Variants in TBL1X observed in about 807,000 individuals in gnomAD.
TBL1X encodes F-box-like/WD repeat-containing protein TBL1X.
A neutral mutation model predicts 50.7 loss-of-function variants in TBL1X; 10 were observed. The ratio of observed to expected loss-of-function variants is 0.20; its 90% CI spans 0.12 to 0.33. TBL1X has a LOEUF of 0.33. Ranked by LOEUF, TBL1X falls within the 10% of genes least tolerant of loss-of-function variation. The pLI is 1.00. For synonymous variants in TBL1X, 190 were observed against 214.7 expected (o/e 0.88, Z 1.01); for missense variants, 340 against 504.4 (o/e 0.67, Z 3.12).
intron 2 of TBL1X, among the ~76,000 whole-genome samples, chrX:9,597,871 C>T (rs773486286): frequency 2.7e-5 from 3 of 111,744 alleles, no homozygotes; most frequent in East Asian, 2.8e-4. Context: ...GTCAGTGTCC[C>T]GGCTCCAGTG....
At chrX:9,617,549 A>G (rs192391879) in intron 2 of TBL1X, among the ~76,000 whole-genome samples, 4 of 112,369 alleles carry the variant, frequency 3.6e-5, no homozygotes, top group African/African-American at 1.3e-4. Context: ...TTCTAGTTCA[A>G]TTTAGGAGAG....
chrX:9,565,250 T>A (rs1372362916), intron 2 of TBL1X, among the ~76,000 whole-genome samples: 3 of 73,466 alleles, frequency 4.1e-5, no homozygotes, highest in African/African-American at 1.7e-4. Context: ...CCAGCCTGGG[T>A]GGCAGAGCGA....
At chrX:9,705,903 A>AT (rs1335905847) in intron 13 of TBL1X, among the ~76,000 whole-genome samples, 4 of 110,986 alleles carry the variant, frequency 3.6e-5, no homozygotes, top group Non-Finnish European at 7.5e-5. Context: ...TCCTTAGGCT[A>AT]TACAGGAAGC....
chrX:9,523,061 C>A (rs188880073), intron 2 of TBL1X, among the ~76,000 whole-genome samples: 36 of 112,098 alleles, frequency 3.2e-4, no homozygotes, highest in African/African-American at 9.7e-4. Flanking sequence ...ATTCTCTACA[C>A]AGACTCTCCA....
At chrX:9,630,570 AATTGTTTTTATTGT>A (rs1196256621) in intron 2 of TBL1X, among the ~76,000 whole-genome samples, 2 of 112,328 alleles carry the variant, frequency 1.8e-5, no homozygotes, top group Non-Finnish European at 3.8e-5. Flanking sequence ...TTGTTTTTAA[AATTGTTTTTATTGT>A]ATTGTTTTTA....
At chrX:9,546,460 G>A (rs1351474412) in intron 2 of TBL1X, among the ~76,000 whole-genome samples, 3 of 111,386 alleles carry the variant, frequency 2.7e-5, no homozygotes, top group Non-Finnish European at 5.7e-5. Context: ...CTTGCAGGGA[G>A]TCGAGATTGC....
At chrX:9,639,348 C>T (rs1471292226) in intron 2 of TBL1X, among the ~76,000 whole-genome samples, 1 of 111,234 alleles carries the variant, frequency 9.0e-6, no homozygotes, top group Admixed American at 9.6e-5. Context: ...TCACTGAAGA[C>T]TATTAAATAA....
At chrX:9,560,891 T>C (rs1348014304) in intron 2 of TBL1X, among the ~76,000 whole-genome samples, 1 of 111,523 alleles carries the variant, frequency 9.0e-6, no homozygotes, top group African/African-American at 3.3e-5. Flanking sequence ...CCACCCAAAG[T>C]GAAATACGCA....
intron 2 of TBL1X, among the ~76,000 whole-genome samples, chrX:9,508,826 C>G (rs2082039079): frequency 9.0e-6 from 1 of 111,043 alleles, no homozygotes; most frequent in African/African-American, 3.3e-5. Context: ...CCTCAGCAAA[C>G]TAGCACAGAA....
rs375548818 is a variant in TBL1X at position 9,534,487 on chromosome X, T to A, written c.-131+32638T>A. On this transcript the variant is annotated intron_variant, in intron 2 of 17. Coordinates refer to ENST00000645353, the MANE Select transcript of TBL1X (RefSeq NM_005647.4). ...TTCTTAGCTATTGTGGACTTTTTTT[T>A]AAAAAAAGGTTTATAGAGATATGAT... Among the ~76,000 whole-genome samples the A allele has an allele frequency of 5.7e-3, 551 of 97,272 alleles. 4 individuals carry two copies. The highest frequency in any genetic ancestry group is 8.7e-3 in the Non-Finnish European group (423 of 48,396). 84.5% of individuals were successfully genotyped at this position (97,272 alleles called of 115,157 possible). A position where few individuals can be genotyped will look rare whatever the true frequency, so the allele number is the denominator to read the frequency against.
chrX:9,674,986 TGTTA>T (rs1048421266), intron 5 of TBL1X, among the ~76,000 whole-genome samples: 7 of 112,057 alleles, frequency 6.2e-5, no homozygotes, highest in African/African-American at 2.3e-4. Context: ...TACCAATACC[TGTTA>T]GTTTACGAGT....
rs1307007261 is a variant in TBL1X at position 9,688,138 on chromosome X, G to C, written c.479G>C (p.Ser160Thr). The C allele has an allele frequency of 1.7e-6, 2 of 1,204,452 alleles. No homozygotes were observed. Among genetic ancestry groups the C allele is most frequent in the South Asian group, 3.6e-5 (2 of 56,129 alleles). ...GAGAAGCTCGCTCAGCAGCAAGCCAGTGCGGCGGCGGCGGCGGCTGCGGCC... is the reference window on the plus strand; with the variant it reads ...GAGAAGCTCGCTCAGCAGCAAGCCACTGCGGCGGCGGCGGCGGCTGCGGCC... ...FREKLAQQQA[S>T]AAAAAAAATA... The change falls in exon 7 of 18, where the codon AGT (serine) becomes ACT (threonine). Residue 160 changes from serine to threonine, a missense_variant. Ser to Thr is a moderately conservative substitution (Grantham distance 58, BLOSUM62 1). This residue lies in a region of TBL1X where 99 missense variants were observed against 93.3 expected (regional missense o/e 1.06). Transcript: ENST00000645353.
At chrX:9,487,928 C>T (rs773625720) in intron 1 of TBL1X, among the ~76,000 whole-genome samples, 21 of 111,433 alleles carry the variant, frequency 1.9e-4, no homozygotes, top group Non-Finnish European at 5.6e-5. Context: ...CTACGGCGTC[C>T]CCAAAGTCAC....
chrX:9,643,778 T>G lies in TBL1X; in HGVS notation c.-43+3418T>G, dbSNP rs185177065. Among the ~76,000 whole-genome samples, 260 of 111,848 alleles carry G rather than the reference T, an allele frequency of 2.3e-3. 1 individual carries two copies. The highest frequency in any genetic ancestry group is 8.1e-3 in the African/African-American group (248 of 30,745). ...CAAGAGGTTGAGGCAGGAGAATCAC[T>G]TGGGCCTGGGAGGTTGAGCCTTCAG... On this transcript the variant is annotated intron_variant, in intron 3 of 17. Transcript: ENST00000645353.
chrX:9,654,680 A>T (rs1054471429), intron 5 of TBL1X, among the ~76,000 whole-genome samples: 95 of 111,538 alleles, frequency 8.5e-4, no homozygotes, highest in African/African-American at 2.9e-3. Context: ...CCAGAGATTT[A>T]TTCAGCTCCC....
upstream of TBL1X, among the ~76,000 whole-genome samples, chrX:9,463,937 C>T (rs1374016220): frequency 1.8e-5 from 2 of 111,535 alleles, no homozygotes; most frequent in African/African-American, 3.3e-5. Flanking sequence ...CACCTTAGGT[C>T]CCCCTCCCCC....
At chrX:9,520,522 G>A (rs763709296) in intron 2 of TBL1X, among the ~76,000 whole-genome samples, 14 of 111,449 alleles carry the variant, frequency 1.3e-4, no homozygotes, top group Non-Finnish European at 1.9e-4. Flanking sequence ...GATGAGAGGC[G>A]AGAGGAGACC....
intron 5 of TBL1X, among the ~76,000 whole-genome samples, chrX:9,680,018 A>C (rs2083016243): frequency 8.9e-6 from 1 of 111,972 alleles, no homozygotes; most frequent in African/African-American, 3.2e-5. Context: ...ACGCCAGCAG[A>C]TTTGGTGTCT....
chrX:9,618,565 G>A (rs767171498), intron 2 of TBL1X, among the ~76,000 whole-genome samples: 2 of 111,699 alleles, frequency 1.8e-5, no homozygotes, highest in Non-Finnish European at 3.8e-5. Flanking sequence ...TGTAATCCCA[G>A]CTACTTGGGA....
Sources: gnomAD v4.1 joint callset for allele counts (sites outside exome capture counted in the v4.1 genomes callset) on GRCh38, gnomAD v4.1.1 for gene constraint, gnomAD v4.1.1 regional missense constraint, MANE v1.5 for transcripts, NCBI Gene and HGNC (gene_info 2026-07-23, HGNC 2026-07-21) for gene names.